C12orf54: variants seen among roughly 807,000 people sequenced by gnomAD.
The protein encoded by C12orf54 is uncharacterized protein C12orf54.
In C12orf54, 24 loss-of-function variants were observed where a neutral mutation model predicts 26.4. That is an observed-to-expected ratio of 0.91 (90% CI 0.66 to 1.28). The LOEUF (loss-of-function observed/expected upper bound fraction) is 1.28. Among genes scored for constraint, C12orf54 ranks in the 50% most tolerant of loss-of-function variants. The probability of loss-of-function intolerance (pLI) is 0.00; values close to 1 mark genes in which losing one functional copy is unlikely to be tolerated. For synonymous variants in C12orf54, 54 were observed against 47.0 expected, an observed-to-expected ratio of 1.15 and a Z score of -0.61; for missense variants, 154 against 150.9, an observed-to-expected ratio of 1.02 and a Z score of -0.11.
At chr12:48,478,659 G>A (rs950485629), upstream of C12orf54, among the ~76,000 whole-genome samples, 3 of 152,200 alleles carry the variant, frequency 2.0e-5, no homozygotes, top group Middle Eastern at 0.01. Context: ...TTGCTTCAAA[G>A]AGAATAAAAT....
At chr12:48,423,269 T>G in the C12orf54 span, among the ~76,000 whole-genome samples, 1 of 152,154 alleles carries the variant, frequency 6.6e-6, no homozygotes, top group Non-Finnish European at 1.5e-5. Context: ...TGTAGTTGAC[T>G]ATATAAAATT....
chr12:48,477,981 T>C (rs112721700), upstream of C12orf54, among the ~76,000 whole-genome samples: 22,461 of 152,116 alleles, frequency 0.15, 2,878 homozygotes, highest in East Asian at 0.66. Flanking sequence ...TGATGAACAT[T>C]GATGCAAAAA....
chr12:48,414,273 T>C, the C12orf54 span, among the ~76,000 whole-genome samples: 4 of 152,230 alleles, frequency 2.6e-5, no homozygotes, highest in African/African-American at 9.6e-5. Flanking sequence ...CAAGGACTGT[T>C]GACTCCAGTT....
the C12orf54 span, among the ~76,000 whole-genome samples, chr12:48,421,851 G>A: frequency 6.6e-6 from 1 of 152,020 alleles, no homozygotes; most frequent in South Asian, 2.1e-4. Context: ...TTATTGTTGT[G>A]AGTGGTTGCT....
At position 48,486,185 on chromosome 12, in the gene C12orf54, A is replaced by G; in HGVS notation, c.73A>G (p.Ile25Val). ...ATCATTCTTTCTTTGCAGCACATCCATAGAAGAGACAATGAGACCACAGGT... is the reference window on the plus strand; with the variant it reads ...ATCATTCTTTCTTTGCAGCACATCCGTAGAAGAGACAATGAGACCACAGGT... ...MTSKQQRSTS[I>V]EETMRPQEKQ... The change falls in exon 3 of 9, where the codon ATA becomes GTA. Residue 25 changes from isoleucine to valine, a missense_variant. Physicochemically the swap from Ile to Val is conservative, Grantham distance 29. Transcript: ENST00000548364. 6.2e-7 allele frequency: 1 copy of G among 1,611,358 alleles called. No individual in the cohort carries two copies. The highest frequency in any genetic ancestry group is 1.1e-5 in the South Asian group (1 of 91,030).
the C12orf54 span, among the ~76,000 whole-genome samples, chr12:48,454,179 C>A: frequency 6.7e-6 from 1 of 149,008 alleles, no homozygotes; most frequent in Non-Finnish European, 1.5e-5. Context: ...CTCACTGCAA[C>A]CTCTGCCTCC....
At chr12:48,495,008 A>G in intron 8 of C12orf54, 29 bp downstream of exon 8, 1 of 1,522,638 alleles carries the variant, frequency 6.6e-7, no homozygotes. Flanking sequence ...CTTTCCCCTG[A>G]GCTCCACCCT....
chr12:48,452,941 A>G, the C12orf54 span, among the ~76,000 whole-genome samples: 2 of 152,200 alleles, frequency 1.3e-5, no homozygotes, highest in African/African-American at 2.4e-5. Context: ...TGATTCCTCA[A>G]AGACCTAGAG....
At chr12:48,461,466 G>C in the C12orf54 span, among the ~76,000 whole-genome samples, 1 of 151,758 alleles carries the variant, frequency 6.6e-6, no homozygotes, top group Non-Finnish European at 1.5e-5. Flanking sequence ...AATATTTTCT[G>C]AGAGAGACCA....
the C12orf54 span, among the ~76,000 whole-genome samples, chr12:48,448,424 A>C: frequency 3.3e-5 from 5 of 152,204 alleles, no homozygotes; most frequent in Admixed American, 6.5e-5. Context: ...AAATTTATCC[A>C]GGTTGATATA....
the C12orf54 span, among the ~76,000 whole-genome samples, chr12:48,454,107 T>G: frequency 6.8e-6 from 1 of 147,286 alleles, no homozygotes; most frequent in Non-Finnish European, 1.5e-5. Flanking sequence ...TTTTTTTTTT[T>G]TTTTTTTTTG....
At chr12:48,421,763 C>A in the C12orf54 span, among the ~76,000 whole-genome samples, 1 of 152,064 alleles carries the variant, frequency 6.6e-6, no homozygotes, top group Non-Finnish European at 1.5e-5. Flanking sequence ...CTCCTGACCT[C>A]AGGTGATCCA....
chr12:48,464,288 C>A, the C12orf54 span, among the ~76,000 whole-genome samples: 3 of 152,124 alleles, frequency 2.0e-5, no homozygotes, highest in Non-Finnish European at 4.4e-5. Flanking sequence ...AACAGCCAAC[C>A]TGAGAGCCAA....
intron 2 of C12orf54, 58 bp from the exon 3 acceptor site, chr12:48,486,120 A>T: frequency 6.7e-7 from 1 of 1,492,194 alleles, no homozygotes; most frequent in Admixed American, 1.7e-5. Flanking sequence ...GAGTTAGGAG[A>T]AGGCTTTAGC....
At chr12:48,472,671 A>G in the C12orf54 span, 1 of 1,614,092 alleles carries the variant, frequency 6.2e-7, no homozygotes, top group Non-Finnish European at 8.5e-7. Flanking sequence ...AGAGATGGAG[A>G]TGGGCAAATG....
At chr12:48,467,473 A>G in the C12orf54 span, among the ~76,000 whole-genome samples, 3 of 152,220 alleles carry the variant, frequency 2.0e-5, no homozygotes, top group Non-Finnish European at 4.4e-5. Context: ...AATGAAATGA[A>G]TGCTGTACAT....
At chr12:48,420,827 T>C in the C12orf54 span, among the ~76,000 whole-genome samples, 1 of 152,234 alleles carries the variant, frequency 6.6e-6, no homozygotes, top group Non-Finnish European at 1.5e-5. Flanking sequence ...ATTGCTATAG[T>C]CTTGAATAAA....
At chr12:48,436,348 A>C in the C12orf54 span, among the ~76,000 whole-genome samples, 1 of 152,184 alleles carries the variant, frequency 6.6e-6, no homozygotes, top group Non-Finnish European at 1.5e-5. Context: ...TAGACAGATC[A>C]ACGAGACAGA....
chr12:48,467,282 C>A, the C12orf54 span, among the ~76,000 whole-genome samples: 7 of 152,174 alleles, frequency 4.6e-5, no homozygotes, highest in African/African-American at 1.4e-4. Context: ...GGAACCCATT[C>A]TCCCTGAAAG....
Sources: allele counts gnomAD v4.1 joint callset (sites outside exome capture counted in the v4.1 genomes callset), GRCh38; gene constraint gnomAD v4.1.1; transcripts MANE v1.5; gene names NCBI Gene and HGNC (gene_info 2026-07-23, HGNC 2026-07-21).